TGM3: variants seen among roughly 807,000 people sequenced by gnomAD.
TGM3 encodes protein-glutamine gamma-glutamyltransferase E.
A neutral mutation model predicts 73.8 loss-of-function variants in TGM3; 52 were observed. That is an observed-to-expected ratio of 0.70 (90% CI 0.56 to 0.89). The LOEUF is 0.89. TGM3 is among the 40% of genes least tolerant of loss of function. The probability of loss-of-function intolerance (pLI) is 0.00; values close to 1 mark genes in which losing one functional copy is unlikely to be tolerated. For synonymous variants in TGM3, 372 were observed against 354.9 expected (o/e 1.05, Z -0.54); for missense variants, 928 against 909.9 (o/e 1.02, Z -0.26).
intron 1 of TGM3, among the ~76,000 whole-genome samples, chr20:2,306,246 C>T (rs1419711156): frequency 4.6e-5 from 7 of 152,076 alleles, no homozygotes; most frequent in Non-Finnish European, 1.0e-4. Flanking sequence ...GCTGGACAAA[C>T]AGCCATCTGG....
chr20:2,305,864 A>C (rs1196494516), intron 1 of TGM3, among the ~76,000 whole-genome samples: 5 of 152,210 alleles, frequency 3.3e-5, no homozygotes, highest in Non-Finnish European at 7.3e-5. Context: ...TTATGGAGTT[A>C]ATGAGCTAAT....
chr20:2,308,722 G>A (rs1485350526), intron 1 of TGM3, among the ~76,000 whole-genome samples: 5 of 152,264 alleles, frequency 3.3e-5, no homozygotes, highest in East Asian at 3.9e-4. Flanking sequence ...GGCCAATACC[G>A]AGGCATTGCA....
At chr20:2,317,942 T>A (rs2875759) in intron 7 of TGM3, among the ~76,000 whole-genome samples, 3 of 128,406 alleles carry the variant, frequency 2.3e-5, no homozygotes, top group South Asian at 2.4e-4. Context: ...TATATATATA[T>A]CATATATATA....
chr20:2,333,206 C>T (rs1291621107), intron 10 of TGM3, among the ~76,000 whole-genome samples: 2 of 152,190 alleles, frequency 1.3e-5, no homozygotes, highest in Admixed American at 1.3e-4. Context: ...TACTGCCCAT[C>T]TTGAAAGAAT....
intron 12 of TGM3, 51 bp downstream of exon 12, chr20:2,340,038 G>GGGGTGGGGC: frequency 6.8e-7 from 1 of 1,463,320 alleles, no homozygotes; most frequent in Non-Finnish European, 9.4e-7. Flanking sequence ...GGGGGCGGGG[G>GGGGTGGGGC]GGCCCTCCAG....
chr20:2,315,647 C>T (rs1001682640), intron 5 of TGM3, among the ~76,000 whole-genome samples: 11 of 152,206 alleles, frequency 7.2e-5, no homozygotes, highest in African/African-American at 2.2e-4. Flanking sequence ...CCTGGTCCAG[C>T]CTCTCATTGC....
chr20:2,332,192 G>A lies in TGM3; in HGVS notation c.1524G>A (p.Leu508=), dbSNP rs747297356. The change falls in exon 10 of 13, where the codon CTG becomes CTA. Residue 508 remains leucine, a synonymous_variant. Coordinates refer to ENST00000381458, the MANE Select transcript of TGM3 (RefSeq NM_003245.4). This position sits in a 1 kb window ranked among gnomAD's most constrained non-coding sequence, Gnocchi z 4.4. ...ACCTGGTCCTACTGCTCAAAAACCT[G>A]AGCAGGGATACGAAGACAGTGACAG... ...EVNLVLLLKN[L]SRDTKTVTVN... 2 of 1,614,114 alleles carry A rather than the reference G, an allele frequency of 1.2e-6. No homozygotes were observed. The highest frequency in any genetic ancestry group is 1.7e-6 in the Non-Finnish European group (2 of 1,179,996).
In TGM3 at chr20:2,340,774, C is replaced by T. The variant is rs2084377994; in HGVS notation, c.*193C>T. The stretch of plus-strand genomic sequence containing the variant: ...AGGTTGGGGCTGGGTCCACCCTGTC[C>T]TATGACTTGATCACTTTTGCACATT... On this transcript the variant is annotated 3_prime_UTR_variant, in exon 13 of 13. Coordinates refer to ENST00000381458, the MANE Select transcript of TGM3 (RefSeq NM_003245.4). 1.1e-5 allele frequency: 8 copies of T among 754,030 alleles called. No homozygotes were observed. The South Asian group carries it at 1.2e-4, about 11-fold the overall frequency. 46.7% of individuals were successfully genotyped at this position (754,030 alleles called of 1,614,324 possible). A position where few individuals can be genotyped will look rare whatever the true frequency, so the allele number is the denominator to read the frequency against.
At chr20:2,296,112 C>T in intron 1 of TGM3, 42 bp downstream of exon 1, 2 of 1,549,330 alleles carry the variant, frequency 1.3e-6, no homozygotes, top group Non-Finnish European at 1.7e-6. Context: ...TTGCCAGAAG[C>T]CTGTGCTTCC....
intron 5 of TGM3, among the ~76,000 whole-genome samples, chr20:2,314,610 A>G (rs1002108320): frequency 6.6e-6 from 1 of 151,330 alleles, no homozygotes; most frequent in Admixed American, 6.6e-5. Flanking sequence ...AGTCCCAGCT[A>G]CTTGGGAGGC....
At chr20:2,324,157 T>G (rs1382157915) in intron 7 of TGM3, among the ~76,000 whole-genome samples, 6 of 152,218 alleles carry the variant, frequency 3.9e-5, no homozygotes, top group Admixed American at 1.3e-4. Context: ...GCTATTAAGT[T>G]TATTTATCAT....
intron 2 of TGM3, 85 bp from the exon 3 acceptor site, chr20:2,310,093 C>A: frequency 6.4e-7 from 1 of 1,572,390 alleles, no homozygotes; most frequent in Middle Eastern, 1.8e-4. Flanking sequence ...CTCATGTCCC[C>A]CAGAGGGGGG....
chr20:2,316,608 AT>A (rs201278382), intron 5 of TGM3, among the ~76,000 whole-genome samples: 3,846 of 151,542 alleles, frequency 0.025, 91 homozygotes, highest in African/African-American at 0.058. Flanking sequence ...TAAAATAAAA[AT>A]AAATAAAATA....
intron 6 of TGM3, 29 bp downstream of exon 6, chr20:2,317,274 G>T: frequency 6.2e-7 from 1 of 1,613,706 alleles, no homozygotes; most frequent in Non-Finnish European, 8.5e-7. Flanking sequence ...GCCTTGGCTG[G>T]GTCAGTGGGT....
intron 1 of TGM3, among the ~76,000 whole-genome samples, chr20:2,304,002 G>A (rs909112094): frequency 6.6e-6 from 1 of 152,208 alleles, no homozygotes; most frequent in Non-Finnish European, 1.5e-5. Context: ...TGTGTACGTT[G>A]ATGAGTCAGT....
At chr20:2,308,441 C>T (rs997481012) in intron 1 of TGM3, among the ~76,000 whole-genome samples, 4 of 152,136 alleles carry the variant, frequency 2.6e-5, no homozygotes, top group Non-Finnish European at 5.9e-5. Flanking sequence ...TTTATATCAG[C>T]GAACACCTGG....
rs560614909 is a variant in TGM3 at position 2,334,251 on chromosome 20, A to G, written c.1643-865A>G. ...AAGGTGCCTGTTTTGTCTGCAGAAC[A>G]AGAAGTGTGGAAGGTTCTTTTAAGG... On this transcript the variant is annotated intron_variant, in intron 10 of 12. Transcript: ENST00000381458. This position sits in a 1 kb window ranked among gnomAD's most constrained non-coding sequence, Gnocchi z 4.0. 6.6e-6 allele frequency among the ~76,000 whole-genome samples: 1 copy of G among 152,338 alleles called. No individual in the cohort carries two copies. The highest frequency in any genetic ancestry group is 2.1e-4 in the South Asian group (1 of 4,826).
At chr20:2,296,882 T>C (rs2084111618) in intron 1 of TGM3, among the ~76,000 whole-genome samples, 1 of 152,204 alleles carries the variant, frequency 6.6e-6, no homozygotes, top group Admixed American at 6.5e-5. Flanking sequence ...AAACAAGATA[T>C]GAGTCAAACT....
rs577382446 is a variant in TGM3, at chr20:2,319,530, T to A, written c.983+2045T>A. 3.3e-5 allele frequency among the ~76,000 whole-genome samples: 5 copies of A among 152,198 alleles called. No individual in the cohort carries two copies. The East Asian group carries it at 9.7e-4, about 29-fold the overall frequency. On this transcript the variant is annotated intron_variant, in intron 7 of 12. Coordinates refer to ENST00000381458, the MANE Select transcript of TGM3 (RefSeq NM_003245.4). ...GCTAAATTTAGAATTAGAACCCAGG[T>A]CTCCTGGTTAGTGATTCACACTGCC...
Sources: allele counts gnomAD v4.1 joint callset (sites outside exome capture counted in the v4.1 genomes callset), GRCh38; gene constraint gnomAD v4.1.1; non-coding constraint Gnocchi (gnomAD v3.1); transcripts MANE v1.5; gene names NCBI Gene and HGNC (gene_info 2026-07-23, HGNC 2026-07-21).